Variants in KCNB2 observed in about 807,000 individuals in gnomAD.
The protein encoded by KCNB2 is delayed rectifier potassium channel protein.
A neutral mutation model predicts 61.5 loss-of-function variants in KCNB2; 15 were observed. The ratio of observed to expected loss-of-function variants is 0.24; its 90% CI spans 0.16 to 0.38. The LOEUF is 0.38. Among genes scored for constraint, KCNB2 ranks in the 10% least tolerant of loss-of-function variants. KCNB2 has a pLI of 1.00. For missense variants in KCNB2, 828 were observed against 1,125.2 expected, an observed-to-expected ratio of 0.74 and a Z score of 3.78; for synonymous variants, 457 against 446.0, an observed-to-expected ratio of 1.02 and a Z score of -0.31.
At chr8:72,844,525 A>C (rs181830087) in intron 2 of KCNB2, among the ~76,000 whole-genome samples, 5 of 152,254 alleles carry the variant, frequency 3.3e-5, no homozygotes, top group African/African-American at 9.6e-5. Context: ...TAATATCCTG[A>C]AGAGTGTTTT....
intron 2 of KCNB2, among the ~76,000 whole-genome samples, chr8:72,726,413 T>G (rs1807650151): frequency 6.6e-6 from 1 of 152,206 alleles, no homozygotes; most frequent in Admixed American, 6.5e-5. Flanking sequence ...GACCAATATC[T>G]AAGAGTAGGA....
chr8:72,737,048 T>G (rs1211316634), intron 2 of KCNB2, among the ~76,000 whole-genome samples: 4 of 152,022 alleles, frequency 2.6e-5, no homozygotes, highest in Admixed American at 1.3e-4. Flanking sequence ...TTTTTTGCTC[T>G]TTTGTTATGG....
chr8:72,622,806 CT>C (rs1435983570), intron 2 of KCNB2, among the ~76,000 whole-genome samples: 3 of 152,142 alleles, frequency 2.0e-5, no homozygotes, highest in African/African-American at 7.2e-5. Flanking sequence ...TCTCCGACCC[CT>C]ATCTACTAAA....
chr8:72,916,930 T>G (rs1280803848), intron 2 of KCNB2, among the ~76,000 whole-genome samples: 1 of 152,164 alleles, frequency 6.6e-6, no homozygotes, highest in Non-Finnish European at 1.5e-5. Flanking sequence ...GCCTGGCATT[T>G]TTATGGGCAC....
At chr8:72,874,362 G>C (rs527489638) in intron 2 of KCNB2, among the ~76,000 whole-genome samples, 2 of 152,126 alleles carry the variant, frequency 1.3e-5, no homozygotes, top group Non-Finnish European at 2.9e-5. Context: ...GAACACTGAC[G>C]AGCCAGCACC....
intron 2 of KCNB2, among the ~76,000 whole-genome samples, chr8:72,727,695 G>C (rs1366480594): frequency 6.6e-6 from 1 of 152,178 alleles, no homozygotes. Flanking sequence ...TGGACTTCCT[G>C]TGAAATGGCT....
chr8:72,732,813 A>G (rs1807769862), intron 2 of KCNB2, among the ~76,000 whole-genome samples: 1 of 152,220 alleles, frequency 6.6e-6, no homozygotes, highest in African/African-American at 2.4e-5. Context: ...CTGCCTACTC[A>G]GCCCTGGTGC....
chr8:72,551,861 A>G (rs1806348889), intron 1 of KCNB2, among the ~76,000 whole-genome samples: 1 of 152,158 alleles, frequency 6.6e-6, no homozygotes, highest in African/African-American at 2.4e-5. Context: ...CTCCATGCAC[A>G]TAGCAGATGC....
At chr8:72,869,124 A>G (rs935445897) in intron 2 of KCNB2, among the ~76,000 whole-genome samples, 1 of 152,220 alleles carries the variant, frequency 6.6e-6, no homozygotes, top group African/African-American at 2.4e-5. Flanking sequence ...TAGCTCAGGA[A>G]GCTGCACAGA....
At chr8:72,895,652 A>G (rs1257783035) in intron 2 of KCNB2, among the ~76,000 whole-genome samples, 1 of 152,218 alleles carries the variant, frequency 6.6e-6, no homozygotes, top group Non-Finnish European at 1.5e-5. Flanking sequence ...AGTAAATTAG[A>G]AAGTGCAAGA....
intron 2 of KCNB2, among the ~76,000 whole-genome samples, chr8:72,806,510 G>A (rs1809225479): frequency 2.0e-5 from 3 of 151,924 alleles, no homozygotes; most frequent in Admixed American, 2.0e-4. Flanking sequence ...AGCTACTCAG[G>A]AGGCTGAGGC....
chr8:72,537,530 G>C lies in KCNB2; in HGVS notation c.-449G>C, dbSNP rs894901035. The stretch of plus-strand genomic sequence containing the variant: ...GTTCCAGCCCTCTCTTGTCTGGGTG[G>C]CTGTGGCGGCGGCAGGGGGATGGGG... On this transcript the variant is annotated 5_prime_UTR_variant, in exon 1 of 3. Coordinates refer to ENST00000523207, the MANE Select transcript of KCNB2 (RefSeq NM_004770.3). 5 of 152,668 alleles carry C rather than the reference G, an allele frequency of 3.3e-5. No homozygotes were observed. The highest frequency in any genetic ancestry group is 5.8e-5 in the Non-Finnish European group (4 of 68,412). 9.5% of individuals were successfully genotyped at this position (152,668 alleles called of 1,614,324 possible). A position where few individuals can be genotyped will look rare whatever the true frequency, so the allele number is the denominator to read the frequency against.
At chr8:72,826,672 G>T (rs1268508529) in intron 2 of KCNB2, among the ~76,000 whole-genome samples, 1 of 152,216 alleles carries the variant, frequency 6.6e-6, no homozygotes, top group African/African-American at 2.4e-5. Context: ...GAGGTTGAAT[G>T]GAGGCGGGGA....
chr8:72,900,180 A>G (rs1453752469), intron 2 of KCNB2, among the ~76,000 whole-genome samples: 1 of 152,218 alleles, frequency 6.6e-6, no homozygotes, highest in Non-Finnish European at 1.5e-5. Context: ...TAGAGATCCC[A>G]GAAGTAAAGC....
rs57644283 is a variant in KCNB2, at chr8:72,669,634, C to A, written c.579+101321C>A. Among the ~76,000 whole-genome samples the A allele has an allele frequency of 9.1e-3, 1,386 of 152,226 alleles. 24 individuals carry two copies. Among genetic ancestry groups the A allele is most frequent in the African/African-American group, 0.033 (1,352 of 41,524 alleles). ...TAATGAAATCACGTGACATGTATTT[C>A]ATTCAGATTTTTTACAAGAATTTGA... On this transcript the variant is annotated intron_variant, in intron 2 of 2. Transcript: ENST00000523207.
At chr8:72,699,417 C>A (rs549871167) in intron 2 of KCNB2, among the ~76,000 whole-genome samples, 104 of 147,054 alleles carry the variant, frequency 7.1e-4, no homozygotes, top group African/African-American at 2.5e-3. Flanking sequence ...TGTTCATACT[C>A]TTTGCCCACT....
chr8:72,620,706 T>G (rs1805701310), intron 2 of KCNB2, among the ~76,000 whole-genome samples: 1 of 152,140 alleles, frequency 6.6e-6, no homozygotes, highest in Non-Finnish European at 1.5e-5. Context: ...CCTCCCAGGT[T>G]CAAGTGATTC....
At chr8:72,788,711 C>T (rs1052130233) in intron 2 of KCNB2, among the ~76,000 whole-genome samples, 3 of 152,060 alleles carry the variant, frequency 2.0e-5, no homozygotes, top group Non-Finnish European at 2.9e-5. Flanking sequence ...ATTAGAGAAC[C>T]TGAACTCCAT....
chr8:72,931,923 G>A (rs1475010567), intron 2 of KCNB2, among the ~76,000 whole-genome samples: 1 of 152,228 alleles, frequency 6.6e-6, no homozygotes, highest in Non-Finnish European at 1.5e-5. Flanking sequence ...TGAGGCACAA[G>A]AATCGCTTAT....
Sources: gnomAD v4.1 joint callset for allele counts (sites outside exome capture counted in the v4.1 genomes callset) on GRCh38, gnomAD v4.1.1 for gene constraint, MANE v1.5 for transcripts, NCBI Gene and HGNC (gene_info 2026-07-23, HGNC 2026-07-21) for gene names.